The following DEFB116 variants were observed in gnomAD, a reference collection of about 807,000 sequenced individuals.
DEFB116 encodes beta-defensin 116.
A neutral mutation model predicts 2.8 loss-of-function variants in DEFB116; 5 were observed. The ratio of observed to expected loss-of-function variants is 1.80; its 90% CI spans 0.94 to 3.79. The LOEUF (loss-of-function observed/expected upper bound fraction) is 3.79. DEFB116 is among the 30% of genes most tolerant of loss of function. The pLI, the probability that DEFB116 is intolerant of heterozygous loss-of-function variation, is 0.00. For synonymous variants in DEFB116, 56 were observed against 40.8 expected (o/e 1.37, Z -1.42); for missense variants, 170 against 118.0 (o/e 1.44, Z -2.04).
Position 31,303,376 on chromosome 20 carries a change from T to A in DEFB116, c.145A>T (p.Asn49Tyr). 2 of 1,613,640 alleles carry A rather than the reference T, an allele frequency of 1.2e-6. No homozygotes were observed. Among genetic ancestry groups the A allele is most frequent in the African/African-American group, 1.3e-5 (1 of 75,020 alleles). ...PCELYQGMCR[N>Y]ACREYEIQYL... ...TGGATTTCATATTCTCTGCAGGCGT[T>A]TCTGCACATGCCTTGGTAAAGCTCA... Residue 49 changes from asparagine (N) to tyrosine (Y), a missense_variant, in exon 2 of 2, where the codon AAC becomes TAC. By Grantham distance (143) the Asn-to-Tyr change is moderately radical (BLOSUM62 -2). Coordinates refer to ENST00000400549, the MANE Select transcript of DEFB116 (RefSeq NM_001037731.1).
chr20:31,304,346 TAGAA>T (rs1984946656), intron 1 of DEFB116, among the ~76,000 whole-genome samples: 1 of 152,036 alleles, frequency 6.6e-6, no homozygotes, highest in South Asian at 2.1e-4. Flanking sequence ...AAGGAGCAAT[TAGAA>T]AGAAATATTA....
At chr20:31,303,984 T>C (rs1168273190) in intron 1 of DEFB116, among the ~76,000 whole-genome samples, 1 of 152,100 alleles carries the variant, frequency 6.6e-6, no homozygotes, top group Non-Finnish European at 1.5e-5. Flanking sequence ...AGCAAACAAG[T>C]ACTACAACTG....
At chr20:31,308,001 A>T (rs1369499458) in intron 1 of DEFB116, among the ~76,000 whole-genome samples, 1 of 151,990 alleles carries the variant, frequency 6.6e-6, no homozygotes, top group Non-Finnish European at 1.5e-5. Flanking sequence ...CACCAACTCT[A>T]CCCCAGCTCC....
chr20:31,304,973 A>G (rs1984960483), intron 1 of DEFB116, among the ~76,000 whole-genome samples: 1 of 152,118 alleles, frequency 6.6e-6, no homozygotes, highest in Non-Finnish European at 1.5e-5. Flanking sequence ...AGAAATAAAG[A>G]AGAGGGAAAT....
intron 1 of DEFB116, among the ~76,000 whole-genome samples, chr20:31,304,125 T>C (rs1246303282): frequency 6.6e-6 from 1 of 152,114 alleles, no homozygotes; most frequent in Non-Finnish European, 1.5e-5. Flanking sequence ...ATTGAGCACA[T>C]GTGCTCACTG....
In DEFB116 at chr20:31,303,468, G is replaced by C; in HGVS notation, c.68-15C>G. On this transcript the variant is annotated splice_polypyrimidine_tract_variant and intron_variant, in intron 1 of 1. Coordinates refer to ENST00000400549, the MANE Select transcript of DEFB116 (RefSeq NM_001037731.1). ...GAACAGGCCACCTGGGAAAGACATGGCCATGTTTAGTTTCCATGCAGCAGT... is the reference window on the plus strand; with the variant it reads ...GAACAGGCCACCTGGGAAAGACATGCCCATGTTTAGTTTCCATGCAGCAGT... 1 of 1,612,252 alleles carries C rather than the reference G, an allele frequency of 6.2e-7. No homozygotes were observed. The highest frequency in any genetic ancestry group is 8.5e-7 in the Non-Finnish European group (1 of 1,179,052).
chr20:31,303,531 C>A, intron 1 of DEFB116, 78 bp from the exon 2 acceptor site: 1 of 1,553,130 alleles, frequency 6.4e-7, no homozygotes, highest in Non-Finnish European at 8.7e-7. Context: ...AAGGAACACG[C>A]CCTAAGACTA....
intron 1 of DEFB116, among the ~76,000 whole-genome samples, chr20:31,307,213 A>T (rs1423695705): frequency 6.6e-6 from 1 of 152,130 alleles, no homozygotes; most frequent in Non-Finnish European, 1.5e-5. Flanking sequence ...TTTTAAGAAC[A>T]CTTAACATAA....
chr20:31,303,875 T>C (rs1984937685), intron 1 of DEFB116, among the ~76,000 whole-genome samples: 1 of 152,120 alleles, frequency 6.6e-6, no homozygotes, highest in South Asian at 2.1e-4. Flanking sequence ...TCTGTGACCC[T>C]CACACACAGC....
chr20:31,303,720 T>C (rs1984934487), intron 1 of DEFB116, among the ~76,000 whole-genome samples: 1 of 152,148 alleles, frequency 6.6e-6, no homozygotes, highest in Non-Finnish European at 1.5e-5. Flanking sequence ...TAGGTTCATG[T>C]ATGTAGTATT....
intron 1 of DEFB116, among the ~76,000 whole-genome samples, chr20:31,307,958 C>T (rs188528317): frequency 6.6e-6 from 1 of 152,016 alleles, no homozygotes; most frequent in Non-Finnish European, 1.5e-5. Context: ...CACAACCCAG[C>T]TACAAACCTC....
rs761157929 is a variant in DEFB116 at position 31,303,337 on chromosome 20, G to C, written c.184C>G (p.Pro62Ala). 6.2e-7 allele frequency: 1 copy of C among 1,613,506 alleles called. No homozygotes were observed. Among genetic ancestry groups the C allele is most frequent in the East Asian group, 2.2e-5 (1 of 44,862 alleles). Residue 62 changes from proline (P) to alanine (A), a missense_variant, in exon 2 of 2, where the codon CCA becomes GCA. Transcript: ENST00000400549. ...TTCAGGCAGCACTTTTGATCATTTG[G>C]GCAGGTTAAGTATTGGATTTCATAT... Reference protein sequence around the residue: ...REYEIQYLTCPNDQKCCLKLS... With the variant: ...REYEIQYLTCANDQKCCLKLS...
chr20:31,306,297 TA>T (rs900193163), intron 1 of DEFB116, among the ~76,000 whole-genome samples: 1 of 152,182 alleles, frequency 6.6e-6, no homozygotes, highest in Non-Finnish European at 1.5e-5. Flanking sequence ...TGTGTAGATT[TA>T]AAAGACAAAG....
At chr20:31,304,557 G>T (rs575782641) in intron 1 of DEFB116, among the ~76,000 whole-genome samples, 1 of 152,088 alleles carries the variant, frequency 6.6e-6, no homozygotes, top group South Asian at 2.1e-4. Flanking sequence ...TCAATTTCTG[G>T]TCTACATGAC....
At chr20:31,304,825 A>C (rs1402908244) in intron 1 of DEFB116, among the ~76,000 whole-genome samples, 4 of 152,112 alleles carry the variant, frequency 2.6e-5, no homozygotes, top group Non-Finnish European at 4.4e-5. Context: ...AATCAAATTT[A>C]TTCACTATTA....
chr20:31,303,546 G>A lies in DEFB116; in HGVS notation c.68-93C>T, dbSNP rs1600468014. 1.1e-5 allele frequency: 17 copies of A among 1,510,100 alleles called. No individual in the cohort carries two copies. The South Asian group carries it at 2.0e-4, about 17-fold the overall frequency. The allele number at this position is 1,510,100 out of a possible 1,614,324, so 93.5% of individuals were successfully genotyped here. On this transcript the variant is annotated intron_variant, in intron 1 of 1. Coordinates refer to ENST00000400549, the MANE Select transcript of DEFB116 (RefSeq NM_001037731.1). ...AAGGAACACGCCCTAAGACTATTAA[G>A]GGCACAAGATCTGGAATCAAAACTA... is the stretch of plus-strand genomic sequence containing the variant.
Position 31,303,334 on chromosome 20 carries a change from T to C in DEFB116, c.187A>G (p.Asn63Asp), listed in dbSNP as rs1420370953. ...EYEIQYLTCP[N>D]DQKCCLKLSV... ...AGTTTCAGGCAGCACTTTTGATCAT[T>C]TGGGCAGGTTAAGTATTGGATTTCA... The change falls in exon 2 of 2, where the codon AAT (asparagine) becomes GAT (aspartate). Residue 63 changes from asparagine to aspartate, a missense_variant. Transcript: ENST00000400549. 6.2e-7 allele frequency: 1 copy of C among 1,613,594 alleles called. No homozygotes were observed. The highest frequency in any genetic ancestry group is 8.5e-7 in the Non-Finnish European group (1 of 1,179,592).
In DEFB116 at chr20:31,303,398, C is replaced by T. The variant is rs56076812; in HGVS notation, c.123G>A (p.Glu41=). 5,425 of 1,613,538 alleles carry T rather than the reference C, an allele frequency of 3.4e-3. 18 individuals are homozygous for T. The highest frequency in any genetic ancestry group is 3.8e-3 in the Non-Finnish European group (4,490 of 1,179,610). Residue 41 remains glutamate, a synonymous_variant, in exon 2 of 2, where the codon GAG becomes GAA. Transcript: ENST00000400549. ...CGTTTCTGCACATGCCTTGGTAAAG[C>T]TCACATGGATTCCAAGGCTCTCGGC... ...GKSREPWNPC[E]LYQGMCRNAC... is the part of the protein sequence containing the mutation.
Position 31,308,579 on chromosome 20 carries a change from C to G in DEFB116, c.7G>C (p.Val3Leu), listed in dbSNP as rs780176637. The G allele has an allele frequency of 3.1e-6, 5 of 1,613,394 alleles. No individual in the cohort carries two copies. Among genetic ancestry groups the G allele is most frequent in the Admixed American group, 1.7e-5 (1 of 59,998 alleles). Residue 3 changes from valine to leucine, a missense_variant, in exon 1 of 2, where the codon GTC becomes CTC. By Grantham distance (32) the Val-to-Leu change is conservative. Coordinates refer to ENST00000400549, the MANE Select transcript of DEFB116 (RefSeq NM_001037731.1). ...ATGGTCATTAAACAGGGCTTCATGA[C>G]TGACATGTTCCACCAGAATGAAGGG... MSVMKPCLMTIAI... is the reference protein window; with the variant it reads MSLMKPCLMTIAI...
Sources: gnomAD v4.1 joint callset for allele counts (sites outside exome capture counted in the v4.1 genomes callset) on GRCh38, gnomAD v4.1.1 for gene constraint, MANE v1.5 for transcripts, NCBI Gene and HGNC (gene_info 2026-07-23, HGNC 2026-07-21) for gene names.